RTL9: variants seen among roughly 807,000 people sequenced by gnomAD.
RTL9 encodes the protein retrotransposon Gag like 9.
In RTL9, 19 loss-of-function variants were observed where a neutral mutation model predicts 44.7. The observed-to-expected ratio is 0.42, with a 90% CI of 0.30 to 0.62. The LOEUF (loss-of-function observed/expected upper bound fraction) is 0.62. Among genes scored for constraint, RTL9 ranks in the 20% least tolerant of loss-of-function variants. RTL9 has a pLI of 0.16. For synonymous variants in RTL9, 407 were observed against 398.9 expected (o/e 1.02, Z -0.24); for missense variants, 1,105 against 1,080.6 (o/e 1.02, Z -0.32).
Position 110,403,193 on chromosome X carries a change from C to T in RTL9, c.-167-41960C>T, listed in dbSNP as rs757346414. Among the ~76,000 whole-genome samples, 16 of 111,958 alleles carry T rather than the reference C, an allele frequency of 1.4e-4. No individual in the cohort carries two copies. The East Asian group carries it at 3.4e-3, about 24-fold the overall frequency. ...AAAAAGGAAGGCCAGAGATGTGACA[C>T]CCCCCAGCCCCAGGGATTCTACCAC... is the stretch of plus-strand genomic sequence containing the variant. On this transcript the variant is annotated intron_variant, in intron 1 of 2. Coordinates refer to the RTL9 transcript ENST00000520821.
chrX:110,445,573 T>G (rs2068903930), upstream of RTL9, among the ~76,000 whole-genome samples: 1 of 111,918 alleles, frequency 8.9e-6, no homozygotes, highest in Non-Finnish European at 1.9e-5. Context: ...GGTATTTCTT[T>G]AGCCTTAGGT....
At chrX:110,396,553 A>T (rs2068529974) in intron 1 of RTL9, among the ~76,000 whole-genome samples, 1 of 112,286 alleles carries the variant, frequency 8.9e-6, no homozygotes, top group Admixed American at 9.4e-5. Flanking sequence ...TTTCTCAGGC[A>T]TCTGCTCTTG....
intron 1 of RTL9, among the ~76,000 whole-genome samples, chrX:110,394,077 G>C (rs754407498): frequency 8.9e-6 from 1 of 112,077 alleles, no homozygotes; most frequent in Non-Finnish European, 1.9e-5. Context: ...GACCTGACCC[G>C]CCATTGCTAC....
chrX:110,423,131 C>A (rs1300348872), intron 1 of RTL9, among the ~76,000 whole-genome samples: 1 of 111,306 alleles, frequency 9.0e-6, no homozygotes, highest in Non-Finnish European at 1.9e-5. Context: ...TGTTGGAGAC[C>A]AGCCTGGCCA....
At chrX:110,445,076 C>T (rs1417185331) in intron 1 of RTL9, 77 bp from the exon 2 acceptor site, 1 of 112,563 alleles carries the variant, frequency 8.9e-6, no homozygotes, top group Non-Finnish European at 1.9e-5. Flanking sequence ...CCAATGAAAG[C>T]ATAATTCCCA....
At chrX:110,401,718 T>C (rs762327779) in intron 1 of RTL9, among the ~76,000 whole-genome samples, 11 of 111,853 alleles carry the variant, frequency 9.8e-5, no homozygotes, top group African/African-American at 2.9e-4. Flanking sequence ...GAATCTTGGC[T>C]CTGCCATTCA....
Position 110,454,679 on chromosome X carries a change from A to G in RTL9, c.4047+15A>G. ...AGACTGAGGAGGTAATGAGGGGGAA[A>G]TCCGCTGAAGGTTTTTGAGCAGAGA... On this transcript the variant is annotated intron_variant, in intron 1 of 1. Coordinates refer to ENST00000540313, the Ensembl canonical transcript of RTL9. The G allele has an allele frequency of 8.7e-7, 1 of 1,155,295 alleles. No individual in the cohort carries two copies. Among genetic ancestry groups the G allele is most frequent in the Non-Finnish European group, 1.2e-6 (1 of 860,396 alleles).
chrX:110,390,912 C>T (rs2148286020), intron 1 of RTL9, among the ~76,000 whole-genome samples: 1 of 111,911 alleles, frequency 8.9e-6, no homozygotes, highest in East Asian at 2.8e-4. Context: ...CAGTGGTGAA[C>T]AGCAGCTGGT....
intron 1 of RTL9, among the ~76,000 whole-genome samples, chrX:110,400,768 T>C (rs1432903392): frequency 8.9e-6 from 1 of 111,974 alleles, no homozygotes; most frequent in East Asian, 2.8e-4. Flanking sequence ...CAAGAGTTTG[T>C]TGGATCTTTG....
intron 1 of RTL9, among the ~76,000 whole-genome samples, chrX:110,428,827 C>T: frequency 8.9e-6 from 1 of 112,114 alleles, no homozygotes; most frequent in Admixed American, 9.4e-5. Context: ...AAATGTGGAA[C>T]CCCGTGTTAA....
exon 1 of RTL9, chrX:110,452,841 G>A: frequency 8.3e-7 from 1 of 1,211,365 alleles, no homozygotes; most frequent in Non-Finnish European, 1.1e-6. Flanking sequence ...CATGACCGCT[G>A]GAGGGATGCA....
chrX:110,393,593 TTTC>T (rs2068509220), intron 1 of RTL9, among the ~76,000 whole-genome samples: 1 of 111,942 alleles, frequency 8.9e-6, no homozygotes, highest in African/African-American at 3.2e-5. Context: ...CCTCTAAAAG[TTTC>T]TTCTTCTAGG....
exon 1 of RTL9, chrX:110,454,355 A>G: frequency 8.2e-7 from 1 of 1,212,150 alleles, no homozygotes; most frequent in Non-Finnish European, 1.1e-6. Flanking sequence ...AACAGGGCCA[A>G]AAGTCAGTCA....
At chrX:110,423,973 A>T (rs2068737130) in intron 1 of RTL9, among the ~76,000 whole-genome samples, 1 of 112,463 alleles carries the variant, frequency 8.9e-6, no homozygotes, top group Non-Finnish European at 1.9e-5. Flanking sequence ...CACATTCATT[A>T]ATTCATCAAA....
chrX:110,390,736 A>G (rs939144053), intron 1 of RTL9, among the ~76,000 whole-genome samples: 2 of 112,520 alleles, frequency 1.8e-5, no homozygotes, highest in Non-Finnish European at 3.8e-5. Context: ...TAATTAATCC[A>G]GTCAAACAAA....
chrX:110,423,380 G>GAGAAGGAGAAGGAGAGAAGA (rs2068732679), intron 1 of RTL9, among the ~76,000 whole-genome samples: 1 of 108,793 alleles, frequency 9.2e-6, no homozygotes, highest in South Asian at 3.9e-4. Context: ...GGAGAAGAAG[G>GAGAAGGAGAAGGAGAGAAGA]AGAAGGAGAA....
intron 1 of RTL9, among the ~76,000 whole-genome samples, chrX:110,425,563 G>A (rs1569427227): frequency 8.8e-6 from 1 of 113,154 alleles, no homozygotes; most frequent in Non-Finnish European, 1.9e-5. Flanking sequence ...AGTTACTTGA[G>A]AAAGGCCTAG....
chrX:110,453,736 T>A (rs1431799954), exon 1 of RTL9: 3 of 1,209,791 alleles, frequency 2.5e-6, no homozygotes, highest in African/African-American at 3.5e-5. Context: ...TCTGGATCGA[T>A]GCCCATGCCA....
At chrX:110,426,730 C>T (rs1020316210) in intron 1 of RTL9, 1 of 111,712 alleles carries the variant, frequency 9.0e-6, no homozygotes, top group Non-Finnish European at 1.9e-5. Context: ...GGGTAGTCAC[C>T]GTCTTCCTTT....
Sources: allele counts gnomAD v4.1 joint callset (sites outside exome capture counted in the v4.1 genomes callset), GRCh38; gene constraint gnomAD v4.1.1; transcripts MANE v1.5; gene names NCBI Gene and HGNC (gene_info 2026-07-23, HGNC 2026-07-21).